The following LOC102723971 variants were observed in gnomAD, a reference collection of about 807,000 sequenced individuals.
the LOC102723971 span, among the ~76,000 whole-genome samples, chr9:135,614,692 G>A: frequency 6.6e-6 from 1 of 152,160 alleles, no homozygotes; most frequent in East Asian, 1.9e-4. Flanking sequence ...GCAGGGAGCA[G>A]GGTCCCAGGG....
chr9:135,614,238 C>A, the LOC102723971 span: 11 of 398,484 alleles, frequency 2.8e-5, no homozygotes, highest in Non-Finnish European at 4.9e-5. Context: ...TTCCCCGGAG[C>A]CATGGCCCTG....
chr9:135,616,080 C>T, the LOC102723971 span, among the ~76,000 whole-genome samples: 5 of 152,214 alleles, frequency 3.3e-5, no homozygotes, highest in Admixed American at 6.5e-5. Flanking sequence ...GGTTGGTGGG[C>T]ACCCACCCCA....
the LOC102723971 span, chr9:135,615,318 C>T: frequency 1.5e-5 from 6 of 397,574 alleles, no homozygotes; most frequent in East Asian, 3.6e-5. Flanking sequence ...GCCACACAGC[C>T]GGGCGCTAGC....
the LOC102723971 span, among the ~76,000 whole-genome samples, chr9:135,617,472 T>G: frequency 7.0e-6 from 1 of 143,452 alleles, no homozygotes; most frequent in African/African-American, 2.6e-5. Context: ...GAAGACGAGG[T>G]GGAGATAGAT....
the LOC102723971 span, chr9:135,618,987 G>A: frequency 2.5e-6 from 1 of 402,736 alleles, no homozygotes; most frequent in East Asian, 3.5e-5. Flanking sequence ...CTTCCTGCCT[G>A]GGCCCCTCAC....
the LOC102723971 span, among the ~76,000 whole-genome samples, chr9:135,616,413 G>T: frequency 6.6e-6 from 1 of 152,182 alleles, no homozygotes; most frequent in African/African-American, 2.4e-5. Context: ...GCCAGGACGA[G>T]GCTGCCCTTG....
the LOC102723971 span, among the ~76,000 whole-genome samples, chr9:135,619,546 C>T: frequency 2.0e-5 from 3 of 152,132 alleles, no homozygotes; most frequent in Non-Finnish European, 2.9e-5. Context: ...CGCATATGTC[C>T]CCACTGAGGT....
At chr9:135,617,524 G>T in the LOC102723971 span, among the ~76,000 whole-genome samples, 3 of 152,168 alleles carry the variant, frequency 2.0e-5, no homozygotes, top group Non-Finnish European at 4.4e-5. Flanking sequence ...GCCGGAGCCC[G>T]AGCCCAGGAT....
At chr9:135,619,432 C>T in the LOC102723971 span, among the ~76,000 whole-genome samples, 190 of 152,172 alleles carry the variant, frequency 1.2e-3, no homozygotes, top group African/African-American at 3.8e-3. Context: ...AACATGACCC[C>T]ACGGAGGCTG....
the LOC102723971 span, chr9:135,615,490 G>A: frequency 7.5e-6 from 3 of 398,784 alleles, no homozygotes; most frequent in Non-Finnish European, 1.3e-5. Flanking sequence ...ACTTCGTGCT[G>A]TTCTGGAAGT....
chr9:135,619,621 G>A, the LOC102723971 span, among the ~76,000 whole-genome samples: 1 of 152,130 alleles, frequency 6.6e-6, no homozygotes, highest in Admixed American at 6.5e-5. Context: ...GGGGCTGCCA[G>A]GTAAACACAG....
the LOC102723971 span, among the ~76,000 whole-genome samples, chr9:135,615,727 C>T: frequency 1.3e-5 from 2 of 152,194 alleles, no homozygotes; most frequent in Admixed American, 6.5e-5. Context: ...CACTGGGCCA[C>T]GGGCCTGTGT....
the LOC102723971 span, among the ~76,000 whole-genome samples, chr9:135,617,549 G>A: frequency 6.6e-6 from 1 of 152,170 alleles, no homozygotes; most frequent in East Asian, 1.9e-4. Context: ...TGGGGGAGCG[G>A]GGCAGCAGCA....
the LOC102723971 span, among the ~76,000 whole-genome samples, chr9:135,619,158 A>AAGGCCTCTTCCCT: frequency 6.6e-6 from 1 of 151,972 alleles, no homozygotes; most frequent in East Asian, 1.9e-4. Flanking sequence ...CCCTGCTGGG[A>AAGGCCTCTTCCCT]AGGCCTCTTC....
the LOC102723971 span, chr9:135,617,004 T>C: frequency 2.5e-6 from 1 of 398,574 alleles, no homozygotes; most frequent in Non-Finnish European, 4.4e-6. Flanking sequence ...CACCAACCTG[T>C]GGGTGCTGCT....
chr9:135,615,531 C>T, the LOC102723971 span: 1 of 398,652 alleles, frequency 2.5e-6, no homozygotes, highest in African/African-American at 2.1e-5. Context: ...CTCTCAGGCG[C>T]TCATTCTCAG....
At chr9:135,615,996 G>A in the LOC102723971 span, among the ~76,000 whole-genome samples, 11 of 152,350 alleles carry the variant, frequency 7.2e-5, no homozygotes, top group South Asian at 1.0e-3. Context: ...CCACAGCTCC[G>A]AAGGCAGTTA....
the LOC102723971 span, among the ~76,000 whole-genome samples, chr9:135,619,594 C>G: frequency 2.0e-5 from 3 of 152,154 alleles, no homozygotes. Flanking sequence ...AGACCCTGCT[C>G]TCTGCAGAAG....
chr9:135,617,450 C>T, the LOC102723971 span, among the ~76,000 whole-genome samples: 88 of 152,228 alleles, frequency 5.8e-4, no homozygotes, highest in African/African-American at 2.1e-3. Context: ...CATCGAGGGG[C>T]TGCAGTGTCC....
Sources: gnomAD v4.1 joint callset for allele counts (sites outside exome capture counted in the v4.1 genomes callset) on GRCh38, gnomAD v4.1.1 for gene constraint, MANE v1.5 for transcripts.